Variants in GALNT13 observed in about 807,000 individuals in gnomAD.
GALNT13 encodes the protein UDP-GalNAc:polypeptide N-acetylgalactosaminyltransferase 13.
GALNT13 carries 28 observed loss-of-function variants against 64.2 expected under a neutral mutation model. That is an observed-to-expected ratio of 0.44 (90% CI 0.32 to 0.60). GALNT13 has a LOEUF of 0.60. Among genes scored for constraint, GALNT13 ranks in the 20% least tolerant of loss-of-function variants. GALNT13 has a pLI of 0.05. For synonymous variants in GALNT13, 214 were observed against 224.6 expected, an observed-to-expected ratio of 0.95 and a Z score of 0.42; for missense variants, 577 against 669.8, an observed-to-expected ratio of 0.86 and a Z score of 1.53.
chr2:154,309,829 C>T (rs1216713573), intron 9 of GALNT13, among the ~76,000 whole-genome samples: 1 of 152,166 alleles, frequency 6.6e-6, no homozygotes, highest in Non-Finnish European at 1.5e-5. Flanking sequence ...CCTTCCCAAA[C>T]CAAATTATCA....
the GALNT13 span, among the ~76,000 whole-genome samples, chr2:153,788,421 A>T: frequency 1.3e-5 from 2 of 151,790 alleles, no homozygotes; most frequent in Non-Finnish European, 2.9e-5. Flanking sequence ...TTTTATCACC[A>T]GACATGCCTT....
At chr2:153,935,695 G>A (rs1250746083) in intron 2 of GALNT13, among the ~76,000 whole-genome samples, 1 of 152,202 alleles carries the variant, frequency 6.6e-6, no homozygotes, top group Admixed American at 6.5e-5. Context: ...TGGAAGAGAT[G>A]ACAAATGGAA....
chr2:154,396,765 A>G (rs956561307), intron 10 of GALNT13, among the ~76,000 whole-genome samples: 2 of 152,172 alleles, frequency 1.3e-5, no homozygotes, highest in East Asian at 3.9e-4. Flanking sequence ...GAAAACTGCA[A>G]GTAATATCTT....
chr2:153,694,272 G>A, the GALNT13 span, among the ~76,000 whole-genome samples: 1 of 152,128 alleles, frequency 6.6e-6, no homozygotes, highest in Non-Finnish European at 1.5e-5. Context: ...GTACAAGGAG[G>A]CCGTATGCAT....
intron 4 of GALNT13, among the ~76,000 whole-genome samples, chr2:154,182,010 A>T (rs1312021745): frequency 6.6e-6 from 1 of 152,082 alleles, no homozygotes; most frequent in African/African-American, 2.4e-5. Flanking sequence ...AACATAATTG[A>T]AATACTCAGA....
the GALNT13 span, among the ~76,000 whole-genome samples, chr2:153,430,590 A>G: frequency 1.3e-5 from 2 of 150,134 alleles, no homozygotes; most frequent in Non-Finnish European, 3.0e-5. Flanking sequence ...GGGATCACAG[A>G]TCTCTTGAGT....
the GALNT13 span, among the ~76,000 whole-genome samples, chr2:153,158,473 G>A: frequency 3.3e-5 from 5 of 152,004 alleles, no homozygotes; most frequent in African/African-American, 4.8e-5. Context: ...TCTGTATATG[G>A]TCATGCTTCA....
chr2:153,860,309 T>C, the GALNT13 span, among the ~76,000 whole-genome samples: 1 of 152,232 alleles, frequency 6.6e-6, no homozygotes, highest in African/African-American at 2.4e-5. Context: ...CTGTTCCTTC[T>C]TTTCCTTCTC....
chr2:154,029,275 G>C (rs998884120), intron 3 of GALNT13, among the ~76,000 whole-genome samples: 2 of 150,588 alleles, frequency 1.3e-5, no homozygotes, highest in Admixed American at 6.6e-5. Flanking sequence ...GAATCACTCC[G>C]AGAAAGGCAG....
At chr2:153,528,410 G>C in the GALNT13 span, among the ~76,000 whole-genome samples, 8 of 151,874 alleles carry the variant, frequency 5.3e-5, no homozygotes, top group African/African-American at 1.9e-4. Context: ...ACTCAACATG[G>C]GAGTACTCAG....
intron 1 of GALNT13, among the ~76,000 whole-genome samples, chr2:153,891,523 G>A (rs945876254): frequency 2.6e-5 from 4 of 152,014 alleles, no homozygotes; most frequent in Non-Finnish European, 2.9e-5. Flanking sequence ...GAATTTGCCT[G>A]GAAATTGTTT....
the GALNT13 span, among the ~76,000 whole-genome samples, chr2:153,794,847 C>T: frequency 0.012 from 1,890 of 152,174 alleles, 33 homozygotes; most frequent in African/African-American, 0.042. Context: ...TGTGATACTT[C>T]AGAAATTTTT....
At chr2:153,259,149 G>C in the GALNT13 span, among the ~76,000 whole-genome samples, 126,532 of 152,178 alleles carry the variant, frequency 0.83, 53,850 homozygotes, top group African/African-American at 0.93. Flanking sequence ...TGTCCTCTTG[G>C]TGAATTGACC....
chr2:153,194,373 C>G, the GALNT13 span, among the ~76,000 whole-genome samples: 13 of 152,152 alleles, frequency 8.5e-5, no homozygotes, highest in Middle Eastern at 3.4e-3. Context: ...TTTATCTAGT[C>G]TATTGTTGAA....
intron 9 of GALNT13, among the ~76,000 whole-genome samples, chr2:154,371,454 T>C (rs1348608383): frequency 1.1e-5 from 1 of 92,974 alleles, no homozygotes; most frequent in Non-Finnish European, 2.7e-5. Context: ...AAGAAAAGTA[T>C]ATGTTGTTAT....
At chr2:154,282,485 AG>A (rs1236536757) in intron 8 of GALNT13, among the ~76,000 whole-genome samples, 2 of 152,136 alleles carry the variant, frequency 1.3e-5, no homozygotes, top group East Asian at 3.9e-4. Context: ...TGTGTACCCT[AG>A]GTAAAAAGAC....
chr2:154,275,225 A>G (rs138246219), intron 8 of GALNT13, among the ~76,000 whole-genome samples: 4,927 of 152,286 alleles, frequency 0.032, 139 homozygotes, highest in Non-Finnish European at 0.043. Flanking sequence ...AGAAATTTGC[A>G]TAAGTAACAA....
At chr2:154,108,735 T>C (rs1262984668) in intron 3 of GALNT13, among the ~76,000 whole-genome samples, 1 of 152,100 alleles carries the variant, frequency 6.6e-6, no homozygotes, top group African/African-American at 2.4e-5. Context: ...TATGTTTAAA[T>C]CTTCTATCCA....
chr2:153,130,217 C>G, the GALNT13 span, among the ~76,000 whole-genome samples: 1 of 152,158 alleles, frequency 6.6e-6, no homozygotes, highest in Non-Finnish European at 1.5e-5. Flanking sequence ...ACATTCTATT[C>G]TATTCTTAAC....
Sources: gnomAD v4.1 joint callset for allele counts (sites outside exome capture counted in the v4.1 genomes callset) on GRCh38, gnomAD v4.1.1 for gene constraint, MANE v1.5 for transcripts, NCBI Gene and HGNC (gene_info 2026-07-23, HGNC 2026-07-21) for gene names.